The following ABHD2 variants were observed in gnomAD, a reference collection of about 807,000 sequenced individuals.
ABHD2 encodes the protein abhydrolase domain containing 2, acylglycerol lipase.
In ABHD2, 20 loss-of-function variants were observed where a neutral mutation model predicts 48.1. That is an observed-to-expected ratio of 0.42 (90% CI 0.29 to 0.60). The LOEUF (loss-of-function observed/expected upper bound fraction) is 0.60. ABHD2 is among the 20% of genes least tolerant of loss of function. The pLI, the probability that ABHD2 is intolerant of heterozygous loss-of-function variation, is 0.24. For missense variants in ABHD2, 405 were observed against 550.9 expected, an observed-to-expected ratio of 0.74 and a Z score of 2.65; for synonymous variants, 209 against 214.2, an observed-to-expected ratio of 0.98 and a Z score of 0.21.
Position 89,134,040 on chromosome 15 carries a change from A to G in ABHD2, c.194+17519A>G, listed in dbSNP as rs191084923. On this transcript the variant is annotated intron_variant, in intron 3 of 10. Transcript: ENST00000352732. Reference sequence around the variant, plus strand: ...TTTTTAGTAGAGACGGGGTTTCACCATGTTAGCCAGGATGGCCTCGATCTC... The same window carrying G: ...TTTTTAGTAGAGACGGGGTTTCACCGTGTTAGCCAGGATGGCCTCGATCTC... Among the ~76,000 whole-genome samples, 458 of 151,962 alleles carry G rather than the reference A, an allele frequency of 3.0e-3. 3 individuals carry two copies. The highest frequency in any genetic ancestry group is 8.7e-3 in the African/African-American group (359 of 41,446).
intron 10 of ABHD2, among the ~76,000 whole-genome samples, chr15:89,194,164 T>C (rs957480434): frequency 5.3e-5 from 8 of 152,096 alleles, no homozygotes; most frequent in Non-Finnish European, 8.8e-5. Flanking sequence ...GGTTCTGCTA[T>C]CTCTTGTGAC....
At position 89,168,905 on chromosome 15, in the gene ABHD2, C is replaced by G. The variant is rs1283751511; in HGVS notation, c.539-6907C>G. ...CAGCCTGGGCAACATAGTGGAACCT[C>G]CCAGGCAAGTTCGCCCATCTCTACA... On this transcript the variant is annotated intron_variant, in intron 5 of 10. Transcript: ENST00000352732. This position sits in a 1 kb window ranked among gnomAD's most constrained non-coding sequence, Gnocchi z 4.8. Among the ~76,000 whole-genome samples, 4 of 152,046 alleles carry G rather than the reference C, an allele frequency of 2.6e-5. No individual in the cohort carries two copies. Among genetic ancestry groups the G allele is most frequent in the Non-Finnish European group, 4.4e-5 (3 of 68,006 alleles).
chr15:89,137,689 T>A lies in ABHD2; in HGVS notation c.195-13988T>A, dbSNP rs1194372674. Among the ~76,000 whole-genome samples the A allele has an allele frequency of 6.6e-6, 1 of 152,204 alleles. No homozygotes were observed. The highest frequency in any genetic ancestry group is 1.5e-5 in the Non-Finnish European group (1 of 68,020). On this transcript the variant is annotated intron_variant, in intron 3 of 10. Transcript: ENST00000352732. This position sits in a 1 kb window ranked among gnomAD's most constrained non-coding sequence, Gnocchi z 4.8. ...TAGCAACAACAGTGAAAATGTAATGTGTGACAGCTGTGGAGAAGAATTTGC... is the reference window on the plus strand; with the variant it reads ...TAGCAACAACAGTGAAAATGTAATGAGTGACAGCTGTGGAGAAGAATTTGC...
intron 3 of ABHD2, among the ~76,000 whole-genome samples, chr15:89,149,379 G>A (rs1288870655): frequency 1.3e-5 from 2 of 152,106 alleles, no homozygotes; most frequent in African/African-American, 4.8e-5. Context: ...ATATATTTTT[G>A]TATATTTTAA....
chr15:89,153,283 G>A (rs989640728), intron 4 of ABHD2, among the ~76,000 whole-genome samples: 1 of 152,202 alleles, frequency 6.6e-6, no homozygotes, highest in African/African-American at 2.4e-5. Flanking sequence ...CTGCTAGAAT[G>A]TAGGAATCCC....
At chr15:89,138,758 T>C (rs1157416555) in intron 3 of ABHD2, among the ~76,000 whole-genome samples, 1 of 152,244 alleles carries the variant, frequency 6.6e-6, no homozygotes, top group Non-Finnish European at 1.5e-5. Flanking sequence ...CACAAAGCTG[T>C]TATTTTAACT....
At chr15:89,055,275 A>G in the ABHD2 span, among the ~76,000 whole-genome samples, 3 of 150,800 alleles carry the variant, frequency 2.0e-5, no homozygotes, top group East Asian at 3.9e-4. Context: ...TTTTGATTTA[A>G]CTATCCTACT....
In ABHD2 at chr15:89,137,292, GAA is replaced by G. The variant is rs1171492481; in HGVS notation, c.195-14384_195-14383del. On this transcript the variant is annotated intron_variant, in intron 3 of 10. Transcript: ENST00000352732. This position sits in a 1 kb window ranked among gnomAD's most constrained non-coding sequence, Gnocchi z 4.8. ...AGTTCCGCGTGCTGTTTGTGAACAG[GAA>G]GATAGTGGGATCAGATGCATTTAAC... is the stretch of plus-strand genomic sequence containing the variant. Among the ~76,000 whole-genome samples the G allele has an allele frequency of 6.6e-6, 1 of 152,206 alleles. No individual in the cohort carries two copies. Among genetic ancestry groups the G allele is most frequent in the African/African-American group, 2.4e-5 (1 of 41,444 alleles).
intron 3 of ABHD2, among the ~76,000 whole-genome samples, chr15:89,138,361 A>G (rs953120507): frequency 2.0e-5 from 3 of 152,190 alleles, no homozygotes; most frequent in Admixed American, 2.0e-4. Flanking sequence ...CTCACCCATG[A>G]AAGTAGGGTA....
the ABHD2 span, among the ~76,000 whole-genome samples, chr15:89,071,630 C>T: frequency 6.6e-6 from 1 of 152,164 alleles, no homozygotes; most frequent in Non-Finnish European, 1.5e-5. Context: ...TTATACGGCC[C>T]ACATTCCACC....
rs572300733 is a variant in ABHD2 at position 89,160,219 on chromosome 15, G to T, written c.538+4685G>T. ...ACACGTTAGAGCAAAGCCCGTGTTT[G>T]TTACTTTTGACTGGTTAATTGAGGC... On this transcript the variant is annotated intron_variant, in intron 5 of 10. Coordinates refer to ENST00000352732, the MANE Select transcript of ABHD2 (RefSeq NM_152924.5). Among the ~76,000 whole-genome samples the T allele has an allele frequency of 5.3e-5, 8 of 152,302 alleles. No individual in the cohort carries two copies. In the South Asian group the frequency reaches 1.5e-3, roughly 28 times the overall value.
rs1417083132 is a variant in ABHD2, at chr15:89,104,939, A to G, written c.-106-8786A>G. 6.6e-6 allele frequency among the ~76,000 whole-genome samples: 1 copy of G among 152,210 alleles called. No homozygotes were observed. Among genetic ancestry groups the G allele is most frequent in the East Asian group, 1.9e-4 (1 of 5,200 alleles). On this transcript the variant is annotated intron_variant, in intron 1 of 10. Coordinates refer to ENST00000352732, the MANE Select transcript of ABHD2 (RefSeq NM_152924.5). The surrounding 1 kb of genome is among the most constrained non-coding windows in gnomAD (Gnocchi z 4.4). ...AAACTGCAATTTTGCTTCTGATATTACAGAATTTAATTATGGTGTAGATTT... is the reference window on the plus strand; with the variant it reads ...AAACTGCAATTTTGCTTCTGATATTGCAGAATTTAATTATGGTGTAGATTT...
intron 3 of ABHD2, among the ~76,000 whole-genome samples, chr15:89,149,309 C>T (rs181873090): frequency 1.4e-4 from 21 of 152,150 alleles, no homozygotes; most frequent in African/African-American, 4.3e-4. Context: ...AGAGGACAGT[C>T]GCCTAACGCC....
Position 89,185,921 on chromosome 15 carries a change from T to G in ABHD2, c.815+405T>G, listed in dbSNP as rs1479220908. 6.6e-6 allele frequency among the ~76,000 whole-genome samples: 1 copy of G among 152,154 alleles called. No homozygotes were observed. The highest frequency in any genetic ancestry group is 2.4e-5 in the African/African-American group (1 of 41,448). ...GGCGGAGGCTGCAGCGAGCCAAGAT[T>G]GCGCCAATGCACCCCAGCCTGGGTG... On this transcript the variant is annotated intron_variant, in intron 7 of 10. Coordinates refer to ENST00000352732, the MANE Select transcript of ABHD2 (RefSeq NM_152924.5). The surrounding 1 kb of genome is among the most constrained non-coding windows in gnomAD (Gnocchi z 5.9).
chr15:89,180,354 A>C (rs754544976), intron 6 of ABHD2, among the ~76,000 whole-genome samples: 15 of 152,152 alleles, frequency 9.9e-5, no homozygotes, highest in Admixed American at 5.2e-4. Context: ...CAAAAGGAAA[A>C]GATTCTGATA....
At chr15:89,143,759 C>T (rs928773110) in intron 3 of ABHD2, among the ~76,000 whole-genome samples, 1 of 151,424 alleles carries the variant, frequency 6.6e-6, no homozygotes, top group Non-Finnish European at 1.5e-5. Context: ...GAAATGGCCT[C>T]AAGTCAAAAG....
the ABHD2 span, among the ~76,000 whole-genome samples, chr15:89,043,840 A>G: frequency 1.3e-5 from 2 of 151,930 alleles, no homozygotes; most frequent in Admixed American, 6.6e-5. Context: ...TGATATATTC[A>G]TCTATGAGTT....
At chr15:89,046,864 A>G in the ABHD2 span, among the ~76,000 whole-genome samples, 1 of 152,042 alleles carries the variant, frequency 6.6e-6, no homozygotes, top group African/African-American at 2.4e-5. Flanking sequence ...GGATTCATTA[A>G]TTTTTGAAGG....
At chr15:89,050,546 A>G in the ABHD2 span, among the ~76,000 whole-genome samples, 1 of 152,142 alleles carries the variant, frequency 6.6e-6, no homozygotes, top group African/African-American at 2.4e-5. Context: ...GTGAACTGAC[A>G]TTTCCACCCA....
Sources: allele counts gnomAD v4.1 joint callset (sites outside exome capture counted in the v4.1 genomes callset), GRCh38; gene constraint gnomAD v4.1.1; non-coding constraint Gnocchi (gnomAD v3.1); transcripts MANE v1.5; gene names NCBI Gene and HGNC (gene_info 2026-07-23, HGNC 2026-07-21).